RASA2: variants seen among roughly 807,000 people sequenced by gnomAD.
RASA2 encodes the protein ras GTPase-activating protein 2.
In RASA2, 155 loss-of-function variants were observed where a neutral mutation model predicts 118.2. That is an observed-to-expected ratio of 1.31 (90% CI 1.15 to 1.50). The LOEUF (loss-of-function observed/expected upper bound fraction) is 1.50, where lower values mean the gene tolerates loss of function less well. Ranked by LOEUF, RASA2 falls within the 40% of genes most tolerant of loss-of-function variation. The pLI is 0.00. For missense variants in RASA2, 1,016 were observed against 1,009.6 expected (o/e 1.01, Z -0.09); for synonymous variants, 353 against 349.1 (o/e 1.01, Z -0.12).
At chr3:141,552,295 G>A (rs1321914312) in intron 5 of RASA2, among the ~76,000 whole-genome samples, 1 of 152,078 alleles carries the variant, frequency 6.6e-6, no homozygotes, top group Admixed American at 6.6e-5. Flanking sequence ...AGATAAATGT[G>A]GTATTACAAG....
chr3:141,504,331 C>T (rs1034438448), intron 1 of RASA2, among the ~76,000 whole-genome samples: 3 of 152,050 alleles, frequency 2.0e-5, no homozygotes, highest in East Asian at 3.9e-4. Context: ...GACCCTTTGT[C>T]CTTGGACAGA....
At chr3:141,552,894 G>T (rs6775251) in intron 5 of RASA2, among the ~76,000 whole-genome samples, 7,057 of 152,098 alleles carry the variant, frequency 0.046, 549 homozygotes, top group African/African-American at 0.16. Flanking sequence ...GTTTCTCTTA[G>T]GCATTAGAAA....
chr3:141,564,434 G>A (rs1235113585), intron 9 of RASA2, among the ~76,000 whole-genome samples: 2 of 152,020 alleles, frequency 1.3e-5, no homozygotes, highest in Non-Finnish European at 2.9e-5. Context: ...TACTGTGCAT[G>A]GAAAACATTA....
intron 9 of RASA2, among the ~76,000 whole-genome samples, chr3:141,568,124 A>C (rs2082851205): frequency 6.6e-6 from 1 of 152,206 alleles, no homozygotes; most frequent in South Asian, 2.1e-4. Context: ...AAGACAGTAC[A>C]ATTATTTTTC....
chr3:141,520,354 G>T (rs2082093209), intron 3 of RASA2, among the ~76,000 whole-genome samples: 1 of 152,064 alleles, frequency 6.6e-6, no homozygotes, highest in South Asian at 2.1e-4. Context: ...AGAAGCAGAG[G>T]GGGAAGAATG....
chr3:141,562,366 G>A (rs575171785), intron 9 of RASA2, among the ~76,000 whole-genome samples: 1 of 147,702 alleles, frequency 6.8e-6, no homozygotes, highest in African/African-American at 2.5e-5. Context: ...GCTCAAGCCT[G>A]TAATCCCAGC....
At chr3:141,549,667 T>G (rs899792991) in intron 5 of RASA2, among the ~76,000 whole-genome samples, 2 of 152,222 alleles carry the variant, frequency 1.3e-5, no homozygotes, top group African/African-American at 4.8e-5. Context: ...AAGTTTAATT[T>G]TATTTAATTT....
intron 1 of RASA2, among the ~76,000 whole-genome samples, chr3:141,496,325 C>A (rs1232985735): frequency 6.6e-6 from 1 of 151,470 alleles, no homozygotes; most frequent in Admixed American, 6.6e-5. Context: ...AATGGGATCT[C>A]ATTAAACTAA....
chr3:141,586,831 T>C (rs1394350214), intron 19 of RASA2, 79 bp downstream of exon 19: 1 of 1,125,508 alleles, frequency 8.9e-7, no homozygotes, highest in Non-Finnish European at 1.3e-6. Flanking sequence ...GTGACTCTAG[T>C]GAATCCTTTC....
chr3:141,540,658 G>C (rs1238382926), intron 5 of RASA2, 49 bp downstream of exon 5: 1 of 1,490,946 alleles, frequency 6.7e-7, no homozygotes, highest in Admixed American at 1.9e-5. Flanking sequence ...TCTCCATTTT[G>C]TATTCTTTCG....
In RASA2 at chr3:141,540,614, G is replaced by A. The variant is rs1415055382; in HGVS notation, c.527+5G>A. Reference sequence around the variant, plus strand: ...ATGCCAGCAGCTTGTTGTACAGTAAGCATTTTTTTTAACCAAAATCAACTA... The same window carrying A: ...ATGCCAGCAGCTTGTTGTACAGTAAACATTTTTTTTAACCAAAATCAACTA... On this transcript the variant is annotated splice_donor_5th_base_variant and intron_variant, in intron 5 of 23. Transcript: ENST00000286364. 2.5e-6 allele frequency: 4 copies of A among 1,603,172 alleles called. No homozygotes were observed. The highest frequency in any genetic ancestry group is 2.6e-6 in the Non-Finnish European group (3 of 1,172,968).
At chr3:141,563,326 G>GT (rs2082766399) in intron 9 of RASA2, among the ~76,000 whole-genome samples, 1 of 152,014 alleles carries the variant, frequency 6.6e-6, no homozygotes, top group African/African-American at 2.4e-5. Context: ...ACTTAGAAAT[G>GT]CCAGATAGTC....
chr3:141,525,056 G>A (rs902905332), intron 3 of RASA2: 2 of 152,104 alleles, frequency 1.3e-5, no homozygotes, highest in African/African-American at 4.8e-5. Flanking sequence ...CTGATGGCAA[G>A]AAAATGCTGC....
chr3:141,540,694 C>G, intron 5 of RASA2, 85 bp downstream of exon 5: 1 of 1,153,038 alleles, frequency 8.7e-7, no homozygotes, highest in Non-Finnish European at 1.2e-6. Context: ...CTTGTTTTAA[C>G]TTCAGAAACT....
intron 1 of RASA2, among the ~76,000 whole-genome samples, chr3:141,499,897 G>A (rs1366853182): frequency 6.6e-6 from 1 of 152,080 alleles, no homozygotes; most frequent in Non-Finnish European, 1.5e-5. Context: ...CCAATGTGTT[G>A]TTTTTTTAAA....
At chr3:141,515,773 G>A (rs1328089949) in intron 2 of RASA2, among the ~76,000 whole-genome samples, 2 of 151,428 alleles carry the variant, frequency 1.3e-5, no homozygotes, top group East Asian at 3.9e-4. Flanking sequence ...GGTGGCATGT[G>A]CCTGTAGTCC....
At chr3:141,609,647 T>C (rs1386231572) in intron 22 of RASA2, 124 bp downstream of exon 22, 2 of 890,338 alleles carry the variant, frequency 2.2e-6, no homozygotes, top group East Asian at 2.9e-5. Context: ...TTATTGAAAG[T>C]TGACAAACCC....
At chr3:141,572,483 T>TA in intron 11 of RASA2, 126 bp from the exon 12 acceptor site, 2 of 634,500 alleles carry the variant, frequency 3.2e-6, no homozygotes, top group Middle Eastern at 3.7e-4. Flanking sequence ...GTAGGTCACT[T>TA]ATGCCTTCTA....
rs767988939 is a variant in RASA2, at chr3:141,612,293, A to G, written c.2530A>G (p.Ile844Val). 36 of 1,588,712 alleles carry G rather than the reference A, an allele frequency of 2.3e-5. No individual in the cohort carries two copies. The highest frequency in any genetic ancestry group is 4.1e-5 in the African/African-American group (3 of 73,956). ...TTTTTTCTTCTCTAGGGAAAATCCA[A>G]TTGTTGGGAAAGCATCTTAGAGTTT... ...SAKYGSKENP[I>V]VGKAS Residue 844 changes from isoleucine (I) to valine (V), a missense_variant, in exon 24 of 24, where the codon ATT becomes GTT. Physicochemically the swap from Ile to Val is conservative, Grantham distance 29. Coordinates refer to ENST00000286364, the MANE Select transcript of RASA2 (RefSeq NM_006506.5).
Sources: allele counts gnomAD v4.1 joint callset (sites outside exome capture counted in the v4.1 genomes callset), GRCh38; gene constraint gnomAD v4.1.1; transcripts MANE v1.5; gene names NCBI Gene and HGNC (gene_info 2026-07-23, HGNC 2026-07-21).